The following SEC24B variants were observed in gnomAD, a reference collection of about 807,000 sequenced individuals.
SEC24B encodes the protein protein transport protein Sec24B.
In SEC24B, 45 loss-of-function variants were observed where a neutral mutation model predicts 142.8. The observed-to-expected ratio is 0.32, with a 90% CI of 0.25 to 0.40. The LOEUF is 0.40. SEC24B is among the 10% of genes least tolerant of loss of function. The probability of loss-of-function intolerance (pLI) is 1.00; values close to 1 mark genes in which losing one functional copy is unlikely to be tolerated. For missense variants in SEC24B, 1,409 were observed against 1,526.8 expected (o/e 0.92, Z 1.29); for synonymous variants, 574 against 568.2 (o/e 1.01, Z -0.15).
At chr4:109,451,087 G>A (rs998831432) in intron 1 of SEC24B, 3 of 151,974 alleles carry the variant, frequency 2.0e-5, no homozygotes, top group Non-Finnish European at 4.4e-5. Context: ...ATTTCTAATG[G>A]TAATTTCCTC....
intron 14 of SEC24B, among the ~76,000 whole-genome samples, chr4:109,522,488 AG>A (rs1421323497): frequency 7.2e-4 from 110 of 152,360 alleles, no homozygotes; most frequent in African/African-American, 2.3e-3. Context: ...GTCTAGTTAA[AG>A]GTTAAATAAC....
At chr4:109,461,698 C>T (rs1731274175) in intron 1 of SEC24B, among the ~76,000 whole-genome samples, 1 of 152,186 alleles carries the variant, frequency 6.6e-6, no homozygotes. Context: ...GTAACTATAT[C>T]TGGGAAATAG....
chr4:109,437,754 A>G (rs1395068715), intron 1 of SEC24B, among the ~76,000 whole-genome samples: 1 of 152,200 alleles, frequency 6.6e-6, no homozygotes, highest in Non-Finnish European at 1.5e-5. Context: ...CCTGCTGAGT[A>G]GCTGGGCCTA....
At chr4:109,447,524 G>T (rs577657176) in intron 1 of SEC24B, among the ~76,000 whole-genome samples, 1 of 152,208 alleles carries the variant, frequency 6.6e-6, no homozygotes, top group Non-Finnish European at 1.5e-5. Flanking sequence ...GTGGCAAACA[G>T]TATTTTTTTC....
At chr4:109,503,465 C>G (rs1736378393) in intron 6 of SEC24B, among the ~76,000 whole-genome samples, 1 of 152,054 alleles carries the variant, frequency 6.6e-6, no homozygotes, top group African/African-American at 2.4e-5. Flanking sequence ...ACCTCATGAT[C>G]CACCCACCTC....
chr4:109,501,146 A>G (rs1736095495), intron 6 of SEC24B, among the ~76,000 whole-genome samples: 1 of 152,174 alleles, frequency 6.6e-6, no homozygotes, highest in African/African-American at 2.4e-5. Flanking sequence ...TGTATCTTTT[A>G]TACTATATTG....
Position 109,433,900 on chromosome 4 carries a change from G to T in SEC24B, c.31G>T (p.Ala11Ser). Residue 11 changes from alanine (A) to serine (S), a missense_variant, in exon 1 of 24, where the codon GCC (alanine) becomes TCC (serine). By Grantham distance (99) the Ala-to-Ser change is moderately conservative. Around this residue, in one of 2 missense-constraint regions of SEC24B, gnomAD observed 709 missense variants for 673.5 expected, o/e 1.05. Coordinates refer to ENST00000265175, the MANE Select transcript of SEC24B (RefSeq NM_006323.5). The stretch of plus-strand genomic sequence containing the variant: ...GGCCCCCGCCGGGTCCTCTCACCCG[G>T]CCGCCAGCGCCCGGATCCCGCCCAA... MSAPAGSSHP[A>S]ASARIPPKFG... 1 of 1,340,032 alleles carries T rather than the reference G, an allele frequency of 7.5e-7. No individual in the cohort carries two copies. The highest frequency in any genetic ancestry group is 1.8e-5 in the South Asian group (1 of 55,580). The allele number at this position is 1,340,032 out of a possible 1,614,324, so 83.0% of individuals were successfully genotyped here.
chr4:109,506,581 A>G, intron 7 of SEC24B, 69 bp downstream of exon 7: 1 of 1,078,986 alleles, frequency 9.3e-7, no homozygotes, highest in Non-Finnish European at 1.3e-6. Context: ...AAAAATAGTA[A>G]AAGTAGTATG....
intron 4 of SEC24B, among the ~76,000 whole-genome samples, chr4:109,484,542 A>G (rs1734149901): frequency 6.6e-6 from 1 of 152,144 alleles, no homozygotes; most frequent in African/African-American, 2.4e-5. Flanking sequence ...AAAGAAAAAA[A>G]AGAGAGAGAG....
At chr4:109,500,279 C>A (rs1735979842) in intron 6 of SEC24B, among the ~76,000 whole-genome samples, 1 of 152,092 alleles carries the variant, frequency 6.6e-6, no homozygotes, top group South Asian at 2.1e-4. Flanking sequence ...CGCATTGGCT[C>A]ACACCTGTAA....
intron 1 of SEC24B, among the ~76,000 whole-genome samples, chr4:109,436,385 T>C (rs546429555): frequency 3.9e-5 from 6 of 152,334 alleles, no homozygotes; most frequent in African/African-American, 1.2e-4. Flanking sequence ...CCTTTTAATA[T>C]ATCTCTATGG....
Position 109,539,799 on chromosome 4 carries a change from G to C in SEC24B, c.*124G>C. The stretch of plus-strand genomic sequence containing the variant: ...TACAAGATGCAACGCACAGCACTCT[G>C]TCTGAGGCTTTGGTAAAAAGTAAAG... On this transcript the variant is annotated 3_prime_UTR_variant, in exon 24 of 24. Coordinates refer to ENST00000265175, the MANE Select transcript of SEC24B (RefSeq NM_006323.5). The C allele has an allele frequency of 1.6e-6, 1 of 631,184 alleles. No individual in the cohort carries two copies. The highest frequency in any genetic ancestry group is 4.3e-4 in the Middle Eastern group (1 of 2,338). The allele number at this position is 631,184 out of a possible 1,614,324, so 39.1% of individuals were successfully genotyped here.
At chr4:109,450,529 G>T (rs1729957784) in intron 1 of SEC24B, among the ~76,000 whole-genome samples, 1 of 151,362 alleles carries the variant, frequency 6.6e-6, no homozygotes. Context: ...GCAGTGGCAG[G>T]CACCTGTAAT....
In SEC24B at chr4:109,531,399, G is replaced by A. The variant is rs575664151; in HGVS notation, c.3267G>A (p.Thr1089=). The A allele has an allele frequency of 3.1e-6, 5 of 1,609,826 alleles. No individual in the cohort carries two copies. The highest frequency in any genetic ancestry group is 2.2e-5 in the East Asian group (1 of 44,816). ...LALLKQKAFR[T]GTSTRLDDRV... ...TTTCCTTGTAGAAAGCATTTAGAACGGGTACAAGCACACGGCTGGATGATC... is the reference window on the plus strand; with the variant it reads ...TTTCCTTGTAGAAAGCATTTAGAACAGGTACAAGCACACGGCTGGATGATC... Residue 1089 remains threonine, a synonymous_variant, in exon 20 of 24, where the codon ACG becomes ACA. Coordinates refer to ENST00000265175, the MANE Select transcript of SEC24B (RefSeq NM_006323.5).
chr4:109,521,557 A>G lies in SEC24B; in HGVS notation c.2439A>G (p.Thr813=), dbSNP rs1723616435. ...PTGGRVSVFQ[T]QLPSLGAGLL... ...GTGGCCGTGTGTCTGTATTTCAGACACAGTTACCTTCCTTGGGTGCAGGAC... is the reference window on the plus strand; with the variant it reads ...GTGGCCGTGTGTCTGTATTTCAGACGCAGTTACCTTCCTTGGGTGCAGGAC... Residue 813 remains threonine (T), a synonymous_variant, in exon 14 of 24, where the codon ACA becomes ACG. Transcript: ENST00000265175. The G allele has an allele frequency of 6.2e-7, 1 of 1,614,072 alleles. No individual in the cohort carries two copies. Among genetic ancestry groups the G allele is most frequent in the Admixed American group, 1.7e-5 (1 of 60,014 alleles).
intron 4 of SEC24B, among the ~76,000 whole-genome samples, chr4:109,490,453 G>A (rs1484275956): frequency 3.3e-5 from 5 of 152,050 alleles, no homozygotes; most frequent in African/African-American, 1.2e-4. Context: ...GATAACCTCT[G>A]TAGCACAGAA....
chr4:109,486,250 G>C (rs1159352571), intron 4 of SEC24B, among the ~76,000 whole-genome samples: 4 of 152,164 alleles, frequency 2.6e-5, no homozygotes, highest in African/African-American at 9.7e-5. Context: ...TCCCTCAACT[G>C]TTAGGGAGTG....
At chr4:109,472,919 CATTATATAT>C (rs1246547878) in intron 2 of SEC24B, 76 bp from the exon 3 acceptor site, 11 of 360,564 alleles carry the variant, frequency 3.1e-5, no homozygotes, top group Admixed American at 2.5e-4. Context: ...ATATTATATA[CATTATATAT>C]AGTATTGTAT....
chr4:109,489,334 T>C (rs1346327237), intron 4 of SEC24B, among the ~76,000 whole-genome samples: 1 of 152,048 alleles, frequency 6.6e-6, no homozygotes, highest in African/African-American at 2.4e-5. Flanking sequence ...CACCATTTGC[T>C]GAAAAGAATA....
Sources: allele counts gnomAD v4.1 joint callset (sites outside exome capture counted in the v4.1 genomes callset), GRCh38; gene constraint gnomAD v4.1.1; regional missense constraint gnomAD v4.1.1; transcripts MANE v1.5; gene names NCBI Gene and HGNC (gene_info 2026-07-23, HGNC 2026-07-21).